The following AAMP variants were observed in gnomAD, a reference collection of about 807,000 sequenced individuals.
The protein encoded by AAMP is angio associated migratory cell protein.
Under a neutral mutation model 51.1 loss-of-function variants are expected in AAMP, and 12 were observed. That is an observed-to-expected ratio of 0.23 (90% confidence interval 0.15 to 0.38). The LOEUF is 0.38. Ranked by LOEUF, AAMP falls within the 10% of genes least tolerant of loss-of-function variation. AAMP has a pLI of 1.00. For missense variants in AAMP, 418 were observed against 557.2 expected (o/e 0.75, Z 2.52); for synonymous variants, 210 against 218.7 (o/e 0.96, Z 0.35).
Position 218,266,593 on chromosome 2 carries a change from C to A in AAMP, c.535-6G>T. On this transcript the variant is annotated splice_region_variant and splice_polypyrimidine_tract_variant and intron_variant, in intron 4 of 10. Coordinates refer to ENST00000248450, the MANE Select transcript of AAMP (RefSeq NM_001087.5). The surrounding 1 kb of genome is among the most constrained non-coding windows in gnomAD (Gnocchi z 4.7). ...CGAGGATGCCACTCCATCCACTGGA[C>A]AGGGAGGAAGGGGCAGCAGGGAGGC... The A allele has an allele frequency of 6.2e-7, 1 of 1,610,636 alleles. No individual in the cohort carries two copies. Among genetic ancestry groups the A allele is most frequent in the Non-Finnish European group, 8.5e-7 (1 of 1,177,744 alleles).
chr2:218,266,699 C>A lies in AAMP; in HGVS notation c.535-112G>T. On this transcript the variant is annotated intron_variant, in intron 4 of 10. Transcript: ENST00000248450. The surrounding 1 kb of genome is among the most constrained non-coding windows in gnomAD (Gnocchi z 4.7). Reference sequence around the variant, plus strand: ...GCCTCTGGGGTTCCGCGGGGACTTTCCAGGTAGCAGGTAGATATTCTTCCT... The same window carrying A: ...GCCTCTGGGGTTCCGCGGGGACTTTACAGGTAGCAGGTAGATATTCTTCCT... 1 of 1,550,628 alleles carries A rather than the reference C, an allele frequency of 6.4e-7. No homozygotes were observed. Among genetic ancestry groups the A allele is most frequent in the Non-Finnish European group, 8.7e-7 (1 of 1,143,160 alleles).
Position 218,264,603 on chromosome 2 carries a change from G to A in AAMP, c.1235C>T (p.Ala412Val). ...EILDFALSKD[A>V]SLVVTTSGDH... ...TCCTGACGTGGTCACCACCAGGGAGGCATCTCTGTAAACAGAAAGCATGTG... is the reference window on the plus strand; with the variant it reads ...TCCTGACGTGGTCACCACCAGGGAGACATCTCTGTAAACAGAAAGCATGTG... Residue 412 changes from alanine (A) to valine (V), a missense_variant, in exon 11 of 11, where the codon GCC becomes GTC. Coordinates refer to ENST00000248450, the MANE Select transcript of AAMP (RefSeq NM_001087.5). The A allele has an allele frequency of 6.2e-7, 1 of 1,614,020 alleles. No individual in the cohort carries two copies. The highest frequency in any genetic ancestry group is 1.1e-5 in the South Asian group (1 of 91,082).
rs368629008 is a variant in AAMP at position 218,265,705 on chromosome 2, G to A, written c.880-23C>T. ...CACCTGAAAGCCAGAGAGGATCAGA[G>A]GAGGACACGGAATCCGGGTGCTTGA... On this transcript the variant is annotated intron_variant, in intron 7 of 10. Coordinates refer to ENST00000248450, the MANE Select transcript of AAMP (RefSeq NM_001087.5). This position sits in a 1 kb window ranked among gnomAD's most constrained non-coding sequence, Gnocchi z 6.6. 2.6e-5 allele frequency: 41 copies of A among 1,606,282 alleles called. No homozygotes were observed. Among genetic ancestry groups the A allele is most frequent in the Non-Finnish European group, 3.3e-5 (39 of 1,175,232 alleles).
At position 218,264,528 on chromosome 2, in the gene AAMP, A is replaced by G. The variant is rs1258773707; in HGVS notation, c.*5T>C. 8 of 1,613,926 alleles carry G rather than the reference A, an allele frequency of 5.0e-6. No individual in the cohort carries two copies. The highest frequency in any genetic ancestry group is 6.8e-6 in the Non-Finnish European group (8 of 1,179,806). ...CACCAGACACACAGGCAGGGGCTGC[A>G]GCCATTAACGGTCAGGCCTTTGGAC... On this transcript the variant is annotated 3_prime_UTR_variant, in exon 11 of 11. Transcript: ENST00000248450.
At chr2:218,269,706 GC>G in intron 1 of AAMP, 172 bp from the exon 2 acceptor site, 1 of 1,188,110 alleles carries the variant, frequency 8.4e-7, no homozygotes, top group Non-Finnish European at 1.2e-6. Flanking sequence ...GCCACGGCTG[GC>G]CAGAGACCGT....
At chr2:218,264,881 G>A (rs1690584841) in intron 10 of AAMP, 139 bp downstream of exon 10, 2 of 1,382,216 alleles carry the variant, frequency 1.4e-6, no homozygotes, top group Non-Finnish European at 1.0e-6. Flanking sequence ...TGGAATGGGG[G>A]CTGGGCTGTG....
chr2:218,269,698 C>A, intron 1 of AAMP, 164 bp from the exon 2 acceptor site: 4 of 1,238,048 alleles, frequency 3.2e-6, no homozygotes, highest in Non-Finnish European at 4.6e-6. Flanking sequence ...GACGGGAGGC[C>A]ACGGCTGGCC....
rs771244970 is a variant in AAMP, at chr2:218,265,808, A to T, written c.879+23T>A. On this transcript the variant is annotated intron_variant, in intron 7 of 10. Coordinates refer to ENST00000248450, the MANE Select transcript of AAMP (RefSeq NM_001087.5). The surrounding 1 kb of genome is among the most constrained non-coding windows in gnomAD (Gnocchi z 6.6). The stretch of plus-strand genomic sequence containing the variant: ...GAGGAGTCGGGAAAGCGGAGGCCCC[A>T]GCCGGGCTCCAGGTCCACTCACCTT... 3.1e-5 allele frequency: 50 copies of T among 1,602,478 alleles called. No individual in the cohort carries two copies. The highest frequency in any genetic ancestry group is 5.0e-5 in the Admixed American group (3 of 59,756).
Position 218,267,710 on chromosome 2 carries a change from G to A in AAMP, c.275-97C>T. 6.7e-7 allele frequency: 1 copy of A among 1,499,410 alleles called. No homozygotes were observed. The allele number at this position is 1,499,410 out of a possible 1,614,324, so 92.9% of individuals were successfully genotyped here. On this transcript the variant is annotated intron_variant, in intron 2 of 10. Transcript: ENST00000248450. This position sits in a 1 kb window ranked among gnomAD's most constrained non-coding sequence, Gnocchi z 4.6. ...GGAAACCCACCCCCTTTCACCCAAAGCGTGTCTTTCCTCCTGGAAAACACA... is the reference window on the plus strand; with the variant it reads ...GGAAACCCACCCCCTTTCACCCAAAACGTGTCTTTCCTCCTGGAAAACACA...
rs1559494805 is a variant in AAMP, at chr2:218,269,987, C to T, written c.100G>A (p.Asp34Asn). 1.2e-6 allele frequency: 2 copies of T among 1,614,156 alleles called. No individual in the cohort carries two copies. The highest frequency in any genetic ancestry group is 2.2e-5 in the East Asian group (1 of 44,872). Residue 34 changes from aspartate (D) to asparagine (N), a missense_variant, in exon 1 of 11, where the codon GAT (aspartate) becomes AAT (asparagine). Asp to Asn is a conservative substitution (Grantham distance 23, BLOSUM62 1). Transcript: ENST00000248450. Reference protein sequence around the residue: ...DEEIIEVVELDPGPPDPDDLA... With the variant: ...DEEIIEVVELNPGPPDPDDLA... Reference sequence around the variant, plus strand: ...TCACCTGGGTCCGGCGGACCGGGATCAAGTTCTACCACCTCGATAATCTCT... The same window carrying T: ...TCACCTGGGTCCGGCGGACCGGGATTAAGTTCTACCACCTCGATAATCTCT...
At chr2:218,269,354 T>C in intron 2 of AAMP, 28 bp downstream of exon 2, 1 of 1,612,786 alleles carries the variant, frequency 6.2e-7, no homozygotes, top group Non-Finnish European at 8.5e-7. Flanking sequence ...CCTAAACTGA[T>C]TTGAGGTGGA....
Position 218,265,454 on chromosome 2 carries a change from G to A in AAMP, c.991C>T (p.Leu331=), listed in dbSNP as rs1690601780. 2 of 1,570,978 alleles carry A rather than the reference G, an allele frequency of 1.3e-6. No homozygotes were observed. Among genetic ancestry groups the A allele is most frequent in the African/African-American group, 2.7e-5 (2 of 73,978 alleles). Residue 331 remains leucine (L), a synonymous_variant, in exon 9 of 11, where the codon CTG becomes TTG. Coordinates refer to ENST00000248450, the MANE Select transcript of AAMP (RefSeq NM_001087.5). The surrounding 1 kb of genome is among the most constrained non-coding windows in gnomAD (Gnocchi z 6.6). ...ESLGFCSVMP[L]AAVGYLDGTL... is the part of the protein sequence containing the mutation. ...CCATCCAGGTAGCCAACAGCTGCCA[G>A]GGGCATCCTGGCCAGAGGAGCGTAC...
In AAMP at chr2:218,265,004, T is replaced by C. The variant is rs1056248286; in HGVS notation, c.1229+16A>G. 4.3e-6 allele frequency: 7 copies of C among 1,613,640 alleles called. No homozygotes were observed. Among genetic ancestry groups the C allele is most frequent in the Non-Finnish European group, 3.4e-6 (4 of 1,180,008 alleles). The stretch of plus-strand genomic sequence containing the variant: ...CCAAATACACAAAGATCCCAGCCCT[T>C]GGCCAATTCACTTACTTGCTGAGGG... On this transcript the variant is annotated intron_variant, in intron 10 of 10. Transcript: ENST00000248450. The surrounding 1 kb of genome is among the most constrained non-coding windows in gnomAD (Gnocchi z 6.6).
chr2:218,266,133 C>T lies in AAMP; in HGVS notation c.694G>A (p.Val232Ile), dbSNP rs1456041585. 2 of 1,614,104 alleles carry T rather than the reference C, an allele frequency of 1.2e-6. No individual in the cohort carries two copies. Among genetic ancestry groups the T allele is most frequent in the Admixed American group, 1.7e-5 (1 of 60,018 alleles). Residue 232 changes from valine (V) to isoleucine (I), a missense_variant, in exon 6 of 11, where the codon GTA becomes ATA. By Grantham distance (29) the Val-to-Ile change is conservative (BLOSUM62 3). Transcript: ENST00000248450. This position sits in a 1 kb window ranked among gnomAD's most constrained non-coding sequence, Gnocchi z 4.7. ...CTGATGGTCCCATCTTCATAGCCTA[C>T]CACAGCTCTCTTCCCTGAAGAGAGG... ...RVLPDGKRAV[V>I]GYEDGTIRIW...
chr2:218,270,111 C>A lies in AAMP; in HGVS notation c.-25G>T, dbSNP rs765415808. On this transcript the variant is annotated 5_prime_UTR_variant, in exon 1 of 11. Coordinates refer to ENST00000248450, the MANE Select transcript of AAMP (RefSeq NM_001087.5). ...TGCGGCGCAAGCGGCGGATCCACTT[C>A]TCTGGGCCCAAACGCCTCCCAGAGT... The A allele has an allele frequency of 1.9e-6, 3 of 1,612,466 alleles. No homozygotes were observed. The highest frequency in any genetic ancestry group is 1.3e-5 in the African/African-American group (1 of 74,916).
chr2:218,268,767 T>C (rs964349450), intron 2 of AAMP, among the ~76,000 whole-genome samples: 2 of 149,878 alleles, frequency 1.3e-5, no homozygotes, highest in African/African-American at 2.5e-5. Flanking sequence ...GGCGCAGTCT[T>C]GGTCCACTGC....
rs1574610014 is a variant in AAMP, at chr2:218,266,331, C to G, written c.679+112G>C. 1 of 1,484,826 alleles carries G rather than the reference C, an allele frequency of 6.7e-7. No individual in the cohort carries two copies. Among genetic ancestry groups the G allele is most frequent in the East Asian group, 2.3e-5 (1 of 43,466 alleles). The allele number at this position is 1,484,826 out of a possible 1,614,324, so 92.0% of individuals were successfully genotyped here. The stretch of plus-strand genomic sequence containing the variant: ...GGGCCCAGGAGGTCAGCACTGCAAA[C>G]AGCAGGCCTCAGATTTTGCCGGCTG... On this transcript the variant is annotated intron_variant, in intron 5 of 10. Transcript: ENST00000248450. This position sits in a 1 kb window ranked among gnomAD's most constrained non-coding sequence, Gnocchi z 4.7.
At position 218,269,647 on chromosome 2, in the gene AAMP, A is replaced by T. The variant is rs775250876; in HGVS notation, c.122-113T>A. On this transcript the variant is annotated intron_variant, in intron 1 of 10. Transcript: ENST00000248450. ...GTCATGTGGCGAGAAGGGAAGGTGG[A>T]GTCAGACACACCGGGGTCCGCGGGG... The T allele has an allele frequency of 4.5e-6, 7 of 1,559,898 alleles. No homozygotes were observed. The South Asian group carries it at 7.8e-5, about 17-fold the overall frequency.
At chr2:218,269,896 G>A (rs1477981300) in intron 1 of AAMP, 70 bp downstream of exon 1, 4 of 1,603,448 alleles carry the variant, frequency 2.5e-6, no homozygotes, top group African/African-American at 1.3e-5. Context: ...AGGGGAGCGG[G>A]GAAAAGCAGG....
Sources: gnomAD v4.1 joint callset for allele counts (sites outside exome capture counted in the v4.1 genomes callset) on GRCh38, gnomAD v4.1.1 for gene constraint, Gnocchi (gnomAD v3.1) non-coding constraint, MANE v1.5 for transcripts, NCBI Gene and HGNC (gene_info 2026-07-23, HGNC 2026-07-21) for gene names.